Variants in ATP9B observed in about 807,000 individuals in gnomAD.
ATP9B encodes the protein probable phospholipid-transporting ATPase IIB.
A neutral mutation model predicts 146.1 loss-of-function variants in ATP9B; 110 were observed. The observed-to-expected ratio is 0.75, with a 90% CI of 0.65 to 0.88. ATP9B has a LOEUF of 0.88. Ranked by LOEUF, ATP9B falls within the 40% of genes least tolerant of loss-of-function variation. ATP9B has a pLI of 0.00. For missense variants in ATP9B, 1,499 were observed against 1,496.4 expected (o/e 1.00, Z -0.03); for synonymous variants, 604 against 569.7 (o/e 1.06, Z -0.86).
chr18:79,157,620 C>T (rs936276976), intron 7 of ATP9B, among the ~76,000 whole-genome samples: 1 of 152,082 alleles, frequency 6.6e-6, no homozygotes, highest in African/African-American at 2.4e-5. Flanking sequence ...TGGGACTGGA[C>T]TTTACTCTGA....
chr18:79,368,620 G>A (rs1380966700), intron 26 of ATP9B, among the ~76,000 whole-genome samples: 1 of 152,104 alleles, frequency 6.6e-6, no homozygotes, highest in African/African-American at 2.4e-5. Flanking sequence ...TCTAAGAGAT[G>A]TATTTAATGA....
intron 12 of ATP9B, among the ~76,000 whole-genome samples, chr18:79,256,284 T>TATATATACATATAC (rs1217998447): frequency 1.6e-5 from 2 of 122,892 alleles, no homozygotes; most frequent in Non-Finnish European, 3.7e-5. Flanking sequence ...TATATATATA[T>TATATATACATATAC]ATACATACAT....
At chr18:79,345,288 A>G (rs1423600064) in intron 21 of ATP9B, 140 bp from the exon 22 acceptor site, 1 of 1,011,890 alleles carries the variant, frequency 9.9e-7, no homozygotes, top group African/African-American at 1.6e-5. Context: ...GTCCTGTGAA[A>G]TGATTCACAG....
chr18:79,157,001 CCTT>C (rs2094793620), intron 7 of ATP9B, among the ~76,000 whole-genome samples: 3 of 152,072 alleles, frequency 2.0e-5, no homozygotes. Context: ...GGCGTGTAGT[CCTT>C]CTGTGTGTTG....
intron 14 of ATP9B, among the ~76,000 whole-genome samples, chr18:79,306,388 G>T (rs1422369216): frequency 6.6e-6 from 1 of 152,216 alleles, no homozygotes; most frequent in Non-Finnish European, 1.5e-5. Flanking sequence ...AGCCCTAAAT[G>T]GGGACTTGCT....
In ATP9B at chr18:79,158,867, ATCT is replaced by A. The variant is rs531511254; in HGVS notation, c.778+4317_778+4319del. Among the ~76,000 whole-genome samples the A allele has an allele frequency of 3.2e-3, 486 of 152,218 alleles. 1 individual carries two copies. The highest frequency in any genetic ancestry group is 5.8e-3 in the South Asian group (28 of 4,822). The stretch of plus-strand genomic sequence containing the variant: ...GTTCTAGGTCTGCAGCATTGTTCAA[ATCT>A]TCTTTTTTTGTTCATCTTCTATCTA... On this transcript the variant is annotated intron_variant, in intron 7 of 29. Coordinates refer to ENST00000426216, the MANE Select transcript of ATP9B (RefSeq NM_198531.5).
intron 15 of ATP9B, among the ~76,000 whole-genome samples, chr18:79,316,399 C>G (rs1048659428): frequency 1.3e-5 from 2 of 152,182 alleles, no homozygotes; most frequent in African/African-American, 4.8e-5. Flanking sequence ...AGAATCTGAG[C>G]CGCACACCTG....
chr18:79,153,281 A>C (rs541991125), intron 6 of ATP9B, among the ~76,000 whole-genome samples: 2 of 152,344 alleles, frequency 1.3e-5, no homozygotes, highest in Admixed American at 1.3e-4. Flanking sequence ...AGACTGATAT[A>C]GCTTTCCCAG....
intron 26 of ATP9B, chr18:79,362,559 G>A (rs1213587079): frequency 6.6e-6 from 1 of 152,166 alleles, no homozygotes; most frequent in African/African-American, 2.4e-5. Flanking sequence ...TTAATTTTCT[G>A]GATGCCAGTA....
chr18:79,265,411 T>C (rs2096192775), intron 12 of ATP9B, among the ~76,000 whole-genome samples: 1 of 152,216 alleles, frequency 6.6e-6, no homozygotes, highest in Non-Finnish European at 1.5e-5. Flanking sequence ...CCCAAAGTTC[T>C]GGGATTACAA....
At chr18:79,141,568 G>A (rs2094514710) in intron 5 of ATP9B, among the ~76,000 whole-genome samples, 1 of 152,170 alleles carries the variant, frequency 6.6e-6, no homozygotes, top group African/African-American at 2.4e-5. Flanking sequence ...TACTGTATTA[G>A]AGCTTCCTTC....
intron 13 of ATP9B, among the ~76,000 whole-genome samples, chr18:79,294,947 A>G (rs891990960): frequency 6.6e-6 from 1 of 152,254 alleles, no homozygotes; most frequent in African/African-American, 2.4e-5. Flanking sequence ...TTAAAAATGT[A>G]GAAGGGGTGA....
chr18:79,151,384 T>C (rs1453438799), intron 6 of ATP9B, among the ~76,000 whole-genome samples: 3 of 152,256 alleles, frequency 2.0e-5, no homozygotes, highest in African/African-American at 4.8e-5. Context: ...TGTTGTTGTG[T>C]GGTTGTTACC....
chr18:79,197,282 G>A (rs1398330970), intron 9 of ATP9B, among the ~76,000 whole-genome samples: 2 of 152,020 alleles, frequency 1.3e-5, no homozygotes, highest in South Asian at 2.1e-4. Context: ...ATTGGTAATG[G>A]AGACACTGCA....
intron 9 of ATP9B, among the ~76,000 whole-genome samples, chr18:79,202,133 T>C (rs992596267): frequency 2.0e-4 from 30 of 152,234 alleles, no homozygotes; most frequent in South Asian, 2.1e-4. Context: ...TGCATGCTGA[T>C]GCCTGTGCAG....
chr18:79,130,704 A>C (rs951289685), intron 5 of ATP9B, among the ~76,000 whole-genome samples: 2 of 152,148 alleles, frequency 1.3e-5, no homozygotes, highest in Non-Finnish European at 2.9e-5. Flanking sequence ...GAAAGCAGAG[A>C]GAGAGAGAGA....
At chr18:79,213,420 C>T (rs1205558469) in intron 10 of ATP9B, among the ~76,000 whole-genome samples, 2 of 152,052 alleles carry the variant, frequency 1.3e-5, no homozygotes, top group African/African-American at 4.8e-5. Flanking sequence ...GTAATAGCTT[C>T]TAAATGCAAA....
chr18:79,166,549 G>C (rs2094968449), intron 7 of ATP9B, among the ~76,000 whole-genome samples: 1 of 152,160 alleles, frequency 6.6e-6, no homozygotes, highest in African/African-American at 2.4e-5. Flanking sequence ...CCAAGATGAT[G>C]GTCTCAGGAG....
intron 15 of ATP9B, among the ~76,000 whole-genome samples, chr18:79,310,549 A>G (rs1176544541): frequency 1.3e-5 from 2 of 152,220 alleles, no homozygotes; most frequent in Non-Finnish European, 2.9e-5. Context: ...GAAGAATTCT[A>G]CCACTTTATG....
Sources: gnomAD v4.1 joint callset for allele counts (sites outside exome capture counted in the v4.1 genomes callset) on GRCh38, gnomAD v4.1.1 for gene constraint, MANE v1.5 for transcripts, NCBI Gene and HGNC (gene_info 2026-07-23, HGNC 2026-07-21) for gene names.